Variants in KCNN2 observed in about 807,000 individuals in gnomAD.
The protein encoded by KCNN2 is potassium calcium-activated channel subfamily N member 2, also known as small conductance calcium-activated potassium channel protein 2.
Under a neutral mutation model 55.5 loss-of-function variants are expected in KCNN2, and 24 were observed. The observed-to-expected ratio is 0.43, with a 90% CI of 0.31 to 0.61. KCNN2 has a LOEUF of 0.61. Among genes scored for constraint, KCNN2 ranks in the 20% least tolerant of loss-of-function variants. The pLI is 0.08. For missense variants in KCNN2, 754 were observed against 853.6 expected, an observed-to-expected ratio of 0.88 and a Z score of 1.45; for synonymous variants, 431 against 336.1, an observed-to-expected ratio of 1.28 and a Z score of -3.09.
rs1477388989 is a variant in KCNN2, at chr5:114,293,265, G to A, written c.-184-67680G>A. 5.9e-5 allele frequency among the ~76,000 whole-genome samples: 9 copies of A among 152,244 alleles called. 1 individual carries two copies. The East Asian group carries it at 1.5e-3, about 26-fold the overall frequency. On this transcript the variant is annotated intron_variant, in intron 2 of 10. Transcript: ENST00000512097. ...TGGTGAGAGAGGGCATCCCTGTCTT[G>A]TGCCAGTTTTCAAAGGGAATGCTTC...
chr5:114,372,523 C>T (rs569855609), intron 2 of KCNN2, among the ~76,000 whole-genome samples: 1 of 152,200 alleles, frequency 6.6e-6, no homozygotes, highest in Non-Finnish European at 1.5e-5. Context: ...GACTGATTTG[C>T]TTGTAATTTT....
At chr5:114,162,927 C>T (rs1319327858) in intron 1 of KCNN2, among the ~76,000 whole-genome samples, 1 of 152,164 alleles carries the variant, frequency 6.6e-6, no homozygotes, top group Non-Finnish European at 1.5e-5. Context: ...AGGAAAGGGA[C>T]TTCCCTGCCC....
At chr5:114,446,346 TG>T (rs1261763879) in intron 3 of KCNN2, among the ~76,000 whole-genome samples, 7 of 152,226 alleles carry the variant, frequency 4.6e-5, no homozygotes, top group African/African-American at 1.7e-4. Flanking sequence ...ATGGCTAAAT[TG>T]AAATAGCCCT....
intron 1 of KCNN2, among the ~76,000 whole-genome samples, chr5:114,058,283 A>G (rs1750253083): frequency 6.6e-6 from 1 of 152,130 alleles, no homozygotes. Flanking sequence ...CAATAACGTT[A>G]TATAAATGGG....
chr5:114,458,205 A>G (rs1295767755), intron 3 of KCNN2, among the ~76,000 whole-genome samples: 2 of 152,224 alleles, frequency 1.3e-5, no homozygotes, highest in African/African-American at 4.8e-5. Context: ...ACTTCTCACT[A>G]ACTATGGCTG....
At chr5:114,465,646 C>T (rs985894211) in intron 4 of KCNN2, among the ~76,000 whole-genome samples, 1 of 151,896 alleles carries the variant, frequency 6.6e-6, no homozygotes, top group African/African-American at 2.4e-5. Context: ...GTTATAGTAC[C>T]ATTAAATATA....
chr5:114,173,128 G>A (rs1012803172), intron 1 of KCNN2, among the ~76,000 whole-genome samples: 6 of 151,782 alleles, frequency 4.0e-5, no homozygotes, highest in African/African-American at 2.4e-5. Flanking sequence ...AGAGATAGGG[G>A]CCTAGTTTCT....
chr5:114,340,662 G>A (rs1426907233), intron 2 of KCNN2, among the ~76,000 whole-genome samples: 1 of 74,210 alleles, frequency 1.3e-5, no homozygotes, highest in African/African-American at 3.8e-5. Context: ...TGGTGTGTGT[G>A]TGTGCATGTG....
At chr5:114,441,179 C>G (rs140545193) in intron 3 of KCNN2, among the ~76,000 whole-genome samples, 154 of 152,004 alleles carry the variant, frequency 1.0e-3, no homozygotes, top group African/African-American at 1.4e-3. Context: ...ATTATATAGC[C>G]TCAAAATATA....
At chr5:114,277,106 G>A (rs531560003) in intron 2 of KCNN2, among the ~76,000 whole-genome samples, 2 of 152,158 alleles carry the variant, frequency 1.3e-5, no homozygotes, top group South Asian at 4.2e-4. Flanking sequence ...AGCTTATTTT[G>A]GCTGGATATG....
At chr5:114,352,046 C>A (rs1003370539) in intron 2 of KCNN2, among the ~76,000 whole-genome samples, 2 of 151,726 alleles carry the variant, frequency 1.3e-5, no homozygotes, top group African/African-American at 4.8e-5. Flanking sequence ...ACCAGCGAAG[C>A]CAACAGGGCC....
chr5:114,145,554 A>C (rs1430652350), intron 1 of KCNN2, among the ~76,000 whole-genome samples: 3 of 152,142 alleles, frequency 2.0e-5, no homozygotes, highest in Non-Finnish European at 4.4e-5. Flanking sequence ...CTAATGAGAG[A>C]TATCCATTAG....
At chr5:114,297,395 T>C (rs562066717) in intron 2 of KCNN2, among the ~76,000 whole-genome samples, 1 of 152,224 alleles carries the variant, frequency 6.6e-6, no homozygotes, top group African/African-American at 2.4e-5. Flanking sequence ...GTTGATTCAA[T>C]ATATTAATGA....
intron 1 of KCNN2, among the ~76,000 whole-genome samples, chr5:114,169,448 C>T (rs953448946): frequency 6.6e-6 from 1 of 151,940 alleles, no homozygotes; most frequent in African/African-American, 2.4e-5. Context: ...TGCTGAATTT[C>T]CCATAAGAAA....
intron 2 of KCNN2, among the ~76,000 whole-genome samples, chr5:114,253,309 G>A (rs1408414516): frequency 6.6e-6 from 1 of 151,978 alleles, no homozygotes; most frequent in Non-Finnish European, 1.5e-5. Context: ...CAGGTCAAAT[G>A]GGAGGAGCAG....
At chr5:114,281,416 T>C (rs114234049) in intron 2 of KCNN2, among the ~76,000 whole-genome samples, 1 of 152,114 alleles carries the variant, frequency 6.6e-6, no homozygotes, top group Admixed American at 6.6e-5. Flanking sequence ...CTGGCAATTA[T>C]ATTAAATTTT....
chr5:114,357,074 A>G (rs536238991), upstream of KCNN2, among the ~76,000 whole-genome samples: 2 of 152,080 alleles, frequency 1.3e-5, no homozygotes, highest in South Asian at 4.1e-4. Flanking sequence ...TGTAGGTCAA[A>G]ATTTTCCTTC....
At chr5:114,171,068 CCTGA>C (rs1156734196) in intron 1 of KCNN2, among the ~76,000 whole-genome samples, 1 of 151,884 alleles carries the variant, frequency 6.6e-6, no homozygotes, top group Non-Finnish European at 1.5e-5. Context: ...GAATACTGAT[CCTGA>C]CTCTCTATCT....
At chr5:114,173,704 T>C (rs1045613595) in intron 1 of KCNN2, among the ~76,000 whole-genome samples, 1 of 151,730 alleles carries the variant, frequency 6.6e-6, no homozygotes, top group Non-Finnish European at 1.5e-5. Flanking sequence ...ATAAATCCTT[T>C]AGTTCTTTTG....
Sources: allele counts gnomAD v4.1 joint callset (sites outside exome capture counted in the v4.1 genomes callset), GRCh38; gene constraint gnomAD v4.1.1; transcripts MANE v1.5; gene names NCBI Gene and HGNC (gene_info 2026-07-23, HGNC 2026-07-21).